ZNF608: variants seen among roughly 807,000 people sequenced by gnomAD.
ZNF608 encodes the protein renal carcinoma antigen NY-REN-36.
ZNF608 carries 12 observed loss-of-function variants against 109.0 expected under a neutral mutation model. That is an observed-to-expected ratio of 0.11 (90% CI 0.07 to 0.18). The LOEUF (loss-of-function observed/expected upper bound fraction) is 0.18, where lower values mean the gene tolerates loss of function less well. Among genes scored for constraint, ZNF608 ranks in the 10% least tolerant of loss-of-function variants. The probability of loss-of-function intolerance (pLI) is 1.00; values close to 1 mark genes in which losing one functional copy is unlikely to be tolerated. For synonymous variants in ZNF608, 732 were observed against 717.4 expected (o/e 1.02, Z -0.33); for missense variants, 1,707 against 1,879.3 (o/e 0.91, Z 1.70).
At chr5:124,649,161 A>T in intron 4 of ZNF608, 28 bp from the exon 5 acceptor site, 1 of 1,520,514 alleles carries the variant, frequency 6.6e-7, no homozygotes, top group Non-Finnish European at 8.8e-7. Context: ...AGATGTGAAA[A>T]TGAGCATCCC....
intron 2 of ZNF608, among the ~76,000 whole-genome samples, chr5:124,736,731 A>T (rs992545596): frequency 6.6e-6 from 1 of 152,250 alleles, no homozygotes; most frequent in Non-Finnish European, 1.5e-5. Context: ...GCTTTTCCTA[A>T]GAAACTAAAC....
chr5:124,743,000 T>TCA (rs1340517128), intron 2 of ZNF608, among the ~76,000 whole-genome samples: 2 of 152,132 alleles, frequency 1.3e-5, no homozygotes, highest in African/African-American at 2.4e-5. Context: ...CATAGAAATA[T>TCA]CACACACACA....
chr5:124,668,948 T>C (rs1186073125), intron 3 of ZNF608, among the ~76,000 whole-genome samples: 1 of 152,144 alleles, frequency 6.6e-6, no homozygotes, highest in Non-Finnish European at 1.5e-5. Context: ...AACTTCCTCA[T>C]TAGCAAGACA....
chr5:124,648,284 C>T lies in ZNF608; in HGVS notation c.2100G>A (p.Leu700=). The change falls in exon 5 of 10, where the codon CTG becomes CTA. Residue 700 remains leucine, a synonymous_variant. Transcript: ENST00000513986. ...TCTTGTCAATTAATCCTTCTGCTTC[C>T]AGTTTAGGCATCTCAGCAGCCAAAC... is the stretch of plus-strand genomic sequence containing the variant. ...DGSLAAEMPK[L]EAEGLIDKKN... is the part of the protein sequence containing the mutation. 1 of 1,614,152 alleles carries T rather than the reference C, an allele frequency of 6.2e-7. No individual in the cohort carries two copies. The highest frequency in any genetic ancestry group is 1.3e-5 in the African/African-American group (1 of 75,018).
intron 3 of ZNF608, among the ~76,000 whole-genome samples, chr5:124,695,671 G>C (rs1471930592): frequency 6.6e-6 from 1 of 152,044 alleles, no homozygotes; most frequent in Non-Finnish European, 1.5e-5. Flanking sequence ...GGGAGGCTGA[G>C]GTGGGAGGAC....
intron 3 of ZNF608, among the ~76,000 whole-genome samples, chr5:124,664,958 G>A (rs541592880): frequency 6.6e-6 from 1 of 152,062 alleles, no homozygotes; most frequent in South Asian, 2.1e-4. Context: ...GATGGATCAC[G>A]AGGTCAGGAG....
chr5:124,746,159 TAC>T (rs1247637957), intron 1 of ZNF608, 34 bp downstream of exon 1: 7 of 984,846 alleles, frequency 7.1e-6, no homozygotes, highest in Non-Finnish European at 8.4e-6. Flanking sequence ...TAAATATACA[TAC>T]ACACACACAT....
intron 2 of ZNF608, among the ~76,000 whole-genome samples, chr5:124,720,262 T>C (rs758876687): frequency 6.6e-5 from 10 of 152,236 alleles, no homozygotes; most frequent in Non-Finnish European, 1.2e-4. Flanking sequence ...CTAGGCTTTG[T>C]TGATACTGTA....
At chr5:124,706,895 G>C (rs1024451886) in intron 2 of ZNF608, among the ~76,000 whole-genome samples, 2 of 152,172 alleles carry the variant, frequency 1.3e-5, no homozygotes, top group Non-Finnish European at 2.9e-5. Flanking sequence ...TTTATCACGC[G>C]AGAGAGCCTA....
At chr5:124,657,662 G>A (rs1334074145) in intron 3 of ZNF608, among the ~76,000 whole-genome samples, 3 of 152,046 alleles carry the variant, frequency 2.0e-5, no homozygotes, top group Non-Finnish European at 4.4e-5. Flanking sequence ...GCGACAGAGC[G>A]AGACTCCATC....
intron 2 of ZNF608, among the ~76,000 whole-genome samples, chr5:124,724,999 T>C (rs1216202075): frequency 6.6e-6 from 1 of 152,142 alleles, no homozygotes; most frequent in Admixed American, 6.5e-5. Flanking sequence ...AGCTCCATCT[T>C]AGATTTCATC....
At chr5:124,696,117 G>A (rs184694138) in intron 3 of ZNF608, among the ~76,000 whole-genome samples, 300 of 151,984 alleles carry the variant, frequency 2.0e-3, no homozygotes, top group Non-Finnish European at 2.5e-3. Flanking sequence ...CCGGGAGGTG[G>A]AGGTTGCAGT....
chr5:124,694,762 A>T (rs998671688), intron 3 of ZNF608, among the ~76,000 whole-genome samples: 19 of 125,248 alleles, frequency 1.5e-4, no homozygotes, highest in East Asian at 9.9e-4. Context: ...GATGTTCCCC[A>T]TCCTGTGTCC....
intron 2 of ZNF608, among the ~76,000 whole-genome samples, chr5:124,720,618 C>A (rs920678136): frequency 6.6e-6 from 1 of 152,046 alleles, no homozygotes; most frequent in African/African-American, 2.4e-5. Flanking sequence ...GTTTAACGGG[C>A]AACTTCCAGG....
Position 124,639,121 on chromosome 5 carries a change from G to A in ZNF608, c.4532+12C>T. On this transcript the variant is annotated intron_variant, in intron 9 of 9. Coordinates refer to ENST00000513986, the MANE Select transcript of ZNF608 (RefSeq NM_020747.3). ...CTATCTACAACTAATTAAAAATGTA[G>A]AGGATATTTACCTTCTTTGTCCAGG... 1.9e-6 allele frequency: 3 copies of A among 1,612,360 alleles called. No homozygotes were observed. Among genetic ancestry groups the A allele is most frequent in the Non-Finnish European group, 2.5e-6 (3 of 1,178,500 alleles).
intron 2 of ZNF608, among the ~76,000 whole-genome samples, chr5:124,729,486 C>A (rs1748776510): frequency 6.6e-6 from 1 of 152,206 alleles, no homozygotes; most frequent in African/African-American, 2.4e-5. Context: ...TAAACACTCA[C>A]ATTTAGGAAA....
At position 124,744,425 on chromosome 5, in the gene ZNF608, C is replaced by T; in HGVS notation, c.565G>A (p.Glu189Lys). 1.2e-6 allele frequency: 2 copies of T among 1,614,262 alleles called. No individual in the cohort carries two copies. Among genetic ancestry groups the T allele is most frequent in the Non-Finnish European group, 1.7e-6 (2 of 1,180,052 alleles). ...CTCTGGCTTTTACCTGGCTTCTCCT[C>T]TTTGCTTTTCCCACAGGAGCCTGCC... ...AGAGSCGKSK[E>K]EKPGKSQSSR... The change falls in exon 2 of 10, where the codon GAG (glutamate) becomes AAG (lysine). Residue 189 changes from glutamate (E) to lysine (K), a missense_variant. This residue lies in a region of ZNF608 where 407 missense variants were observed against 398.7 expected (regional missense o/e 1.02). Transcript: ENST00000513986. This position sits in a 1 kb window ranked among gnomAD's most constrained non-coding sequence, Gnocchi z 4.5.
intron 3 of ZNF608, among the ~76,000 whole-genome samples, chr5:124,676,376 T>G (rs1751946268): frequency 6.6e-6 from 1 of 152,240 alleles, no homozygotes; most frequent in South Asian, 2.1e-4. Context: ...CTTCAAGCTG[T>G]AGTTTTAACA....
intron 3 of ZNF608, among the ~76,000 whole-genome samples, chr5:124,693,972 A>ATATTTTTTTTTTT: frequency 4.3e-5 from 1 of 23,316 alleles, no homozygotes; most frequent in African/African-American, 2.3e-4. Flanking sequence ...CATTTCATTA[A>ATATTTTTTTTTTT]TCTTTTTTTT....
Sources: gnomAD v4.1 joint callset for allele counts (sites outside exome capture counted in the v4.1 genomes callset) on GRCh38, gnomAD v4.1.1 for gene constraint, gnomAD v4.1.1 regional missense constraint, Gnocchi (gnomAD v3.1) non-coding constraint, MANE v1.5 for transcripts, NCBI Gene and HGNC (gene_info 2026-07-23, HGNC 2026-07-21) for gene names.